The following STIP1 variants were observed in gnomAD, a reference collection of about 807,000 sequenced individuals.
The protein encoded by STIP1 is stress-induced-phosphoprotein 1.
STIP1 carries 16 observed loss-of-function variants against 77.4 expected under a neutral mutation model. That is an observed-to-expected ratio of 0.21 (90% CI 0.14 to 0.31). The LOEUF (loss-of-function observed/expected upper bound fraction) is 0.31, where lower values mean the gene tolerates loss of function less well. Among genes scored for constraint, STIP1 ranks in the 10% least tolerant of loss-of-function variants. STIP1 has a pLI of 1.00. For synonymous variants in STIP1, 258 were observed against 246.6 expected, an observed-to-expected ratio of 1.05 and a Z score of -0.44; for missense variants, 524 against 684.8, an observed-to-expected ratio of 0.77 and a Z score of 2.62.
At chr11:64,196,074 T>C (rs1266716234) in intron 5 of STIP1, among the ~76,000 whole-genome samples, 1 of 152,124 alleles carries the variant, frequency 6.6e-6, no homozygotes, top group Non-Finnish European at 1.5e-5. Context: ...TTATGGCTAT[T>C]ATTCATTAGA....
At chr11:64,192,023 C>T (rs1238777351) in intron 1 of STIP1, among the ~76,000 whole-genome samples, 1 of 151,916 alleles carries the variant, frequency 6.6e-6, no homozygotes, top group Non-Finnish European at 1.5e-5. Context: ...TTTAAAACTG[C>T]TGTATCCCAC....
chr11:64,193,140 A>G lies in STIP1; in HGVS notation c.72A>G (p.Leu24=), dbSNP rs184037690. The change falls in exon 2 of 14, where the codon TTA becomes TTG. Residue 24 remains leucine (L), a synonymous_variant. Coordinates refer to ENST00000305218, the MANE Select transcript of STIP1 (RefSeq NM_006819.3). ...ALSVGNIDDA[L]QCYSEAIKLD... ...GCGTGGGTAACATCGATGATGCCTT[A>G]CAGTGCTACTCCGAAGCTATTAAGC... 6.3e-5 allele frequency: 101 copies of G among 1,614,222 alleles called. 1 individual carries two copies. Among genetic ancestry groups the G allele is most frequent in the Non-Finnish European group, 8.2e-5 (97 of 1,180,042 alleles).
chr11:64,196,192 T>G (rs1305113209), intron 5 of STIP1, among the ~76,000 whole-genome samples: 1 of 151,572 alleles, frequency 6.6e-6, no homozygotes, highest in Non-Finnish European at 1.5e-5. Flanking sequence ...GGTCAGGAGT[T>G]CAAGACCAGT....
rs1266383688 is a variant in STIP1, at chr11:64,194,227, C to T, written c.258C>T (p.Asn86=). Reference sequence around the variant, plus strand: ...AAGCAGCAGCTCTAGAGTTCTTAAACCGCTTTGAAGAAGCCAAGCGAACCT... The same window carrying T: ...AAGCAGCAGCTCTAGAGTTCTTAAATCGCTTTGAAGAAGCCAAGCGAACCT... ...SRKAAALEFL[N]RFEEAKRTYE... The change falls in exon 3 of 14, where the codon AAC becomes AAT. Residue 86 remains asparagine (N), a synonymous_variant. Transcript: ENST00000305218. The T allele has an allele frequency of 1.2e-5, 20 of 1,614,148 alleles. No individual in the cohort carries two copies. Among genetic ancestry groups the T allele is most frequent in the Non-Finnish European group, 1.6e-5 (19 of 1,180,034 alleles).
chr11:64,188,122 G>A (rs970509980), intron 1 of STIP1, among the ~76,000 whole-genome samples: 14 of 151,110 alleles, frequency 9.3e-5, no homozygotes, highest in African/African-American at 3.2e-4. Flanking sequence ...CAAGGTGGGC[G>A]AATCACCTGA....
intron 1 of STIP1, among the ~76,000 whole-genome samples, chr11:64,187,419 G>A (rs1410057930): frequency 1.3e-5 from 2 of 151,598 alleles, no homozygotes; most frequent in Admixed American, 1.3e-4. Context: ...CTTACTTCAG[G>A]GCCATAAAAC....
At chr11:64,198,093 C>A in intron 8 of STIP1, 119 bp downstream of exon 8, 1 of 1,370,544 alleles carries the variant, frequency 7.3e-7, no homozygotes, top group Non-Finnish European at 9.8e-7. Context: ...GGGTCTCACT[C>A]TTTCACCCAG....
rs147708726 is a variant in STIP1 at position 64,197,857 on chromosome 11, A to G, written c.906A>G (p.Ala302=). The G allele has an allele frequency of 2.1e-3, 3,336 of 1,611,686 alleles. 7 individuals are homozygous for G. The highest frequency in any genetic ancestry group is 2.7e-3 in the Non-Finnish European group (3,153 of 1,179,754). The change falls in exon 8 of 14, where the codon GCA becomes GCG. Residue 302 remains alanine (A), a synonymous_variant. Transcript: ENST00000305218. ...CTTGTCCCTCTTTCTTTATCAGAGC[A>G]TATGCTCGAATTGGCAACTCCTACT... The part of the protein sequence containing the change: ...NREDYRQIAK[A]YARIGNSYFK...
At chr11:64,185,882 G>A, upstream of STIP1, 1 of 1,536,190 alleles carries the variant, frequency 6.5e-7, no homozygotes, top group Non-Finnish European at 8.7e-7. Context: ...CAGAACCAAT[G>A]GGCGCGGCCA....
intron 1 of STIP1, among the ~76,000 whole-genome samples, chr11:64,188,154 C>T (rs1410151769): frequency 6.6e-6 from 1 of 152,008 alleles, no homozygotes; most frequent in Non-Finnish European, 1.5e-5. Flanking sequence ...CTACACCAGC[C>T]TGGCCAACAT....
chr11:64,200,101 G>A, intron 9 of STIP1, 65 bp downstream of exon 9: 1 of 1,612,494 alleles, frequency 6.2e-7, no homozygotes. Context: ...CTGGCTGTGG[G>A]GTAAATGGCC....
In STIP1 at chr11:64,204,354, C is replaced by T; in HGVS notation, c.*228C>T. On this transcript the variant is annotated 3_prime_UTR_variant, in exon 14 of 14. Coordinates refer to ENST00000305218, the MANE Select transcript of STIP1 (RefSeq NM_006819.3). ...GTCTCTTCACCGCTGCCCTCGAGTT[C>T]CATGTCTCTTTCCCCTGCCCCTAGT... 1.9e-6 allele frequency: 1 copy of T among 515,474 alleles called. No homozygotes were observed. The highest frequency in any genetic ancestry group is 3.4e-6 in the Non-Finnish European group (1 of 295,056). The allele number at this position is 515,474 out of a possible 1,614,324, so 31.9% of individuals were successfully genotyped here. A position where few individuals can be genotyped will look rare whatever the true frequency, so the allele number is the denominator to read the frequency against.
intron 5 of STIP1, 22 bp from the exon 6 acceptor site, chr11:64,197,249 C>G: frequency 6.2e-7 from 1 of 1,613,412 alleles, no homozygotes. Flanking sequence ...TTGCTCAGCA[C>G]TCACTTCTAA....
chr11:64,188,510 C>T (rs544171239), intron 1 of STIP1, among the ~76,000 whole-genome samples: 1 of 152,100 alleles, frequency 6.6e-6, no homozygotes, highest in Non-Finnish European at 1.5e-5. Context: ...GCCTCACTCT[C>T]CTGAGTAGCT....
chr11:64,193,854 A>T (rs1019010795), intron 2 of STIP1, among the ~76,000 whole-genome samples: 2 of 152,156 alleles, frequency 1.3e-5, no homozygotes, highest in Non-Finnish European at 2.9e-5. Flanking sequence ...AGGTTGAGGC[A>T]GGAGGATTAC....
chr11:64,189,358 C>CAA (rs879351379), intron 1 of STIP1, among the ~76,000 whole-genome samples: 1 of 145,766 alleles, frequency 6.9e-6, no homozygotes, highest in African/African-American at 2.5e-5. Flanking sequence ...GACTCCGTCT[C>CAA]AAAAAAAAAA....
At chr11:64,187,287 C>T (rs1946033725) in intron 1 of STIP1, among the ~76,000 whole-genome samples, 1 of 152,076 alleles carries the variant, frequency 6.6e-6, no homozygotes, top group South Asian at 2.1e-4. Context: ...GACAAAACAA[C>T]CTCCAAGAAA....
At chr11:64,200,559 G>C (rs1215778279) in intron 10 of STIP1, among the ~76,000 whole-genome samples, 1 of 151,592 alleles carries the variant, frequency 6.6e-6, no homozygotes, top group African/African-American at 2.4e-5. Context: ...GTGTGTGCGT[G>C]TGTAAAATAT....
At chr11:64,202,764 C>T (rs1251135490) in intron 10 of STIP1, 112 bp from the exon 11 acceptor site, 6 of 1,200,540 alleles carry the variant, frequency 5.0e-6, no homozygotes, top group South Asian at 2.5e-5. Flanking sequence ...ATGTTGTCCC[C>T]TCTGTTTGGT....
Sources: gnomAD v4.1 joint callset for allele counts (sites outside exome capture counted in the v4.1 genomes callset) on GRCh38, gnomAD v4.1.1 for gene constraint, MANE v1.5 for transcripts, NCBI Gene and HGNC (gene_info 2026-07-23, HGNC 2026-07-21) for gene names.